The following PRKG1 variants were observed in gnomAD, a reference collection of about 807,000 sequenced individuals.
The protein encoded by PRKG1 is cGMP-dependent protein kinase 1.
PRKG1 carries 35 observed loss-of-function variants against 88.1 expected under a neutral mutation model. That is an observed-to-expected ratio of 0.40 (90% confidence interval 0.30 to 0.53). The LOEUF (loss-of-function observed/expected upper bound fraction) is 0.53, where lower values mean the gene tolerates loss of function less well. Ranked by LOEUF, PRKG1 falls within the 20% of genes least tolerant of loss-of-function variation. The pLI, the probability that PRKG1 is intolerant of heterozygous loss-of-function variation, is 0.59. For synonymous variants in PRKG1, 303 were observed against 292.5 expected, an observed-to-expected ratio of 1.04 and a Z score of -0.37; for missense variants, 540 against 839.8, an observed-to-expected ratio of 0.64 and a Z score of 4.41.
At chr10:51,086,588 C>A (rs569405051) in intron 1 of PRKG1, among the ~76,000 whole-genome samples, 2 of 152,248 alleles carry the variant, frequency 1.3e-5, no homozygotes, top group Non-Finnish European at 2.9e-5. Flanking sequence ...CATTATATAA[C>A]CACGATAGTT....
chr10:51,726,741 A>G (rs1203100942), intron 3 of PRKG1, among the ~76,000 whole-genome samples: 1 of 152,194 alleles, frequency 6.6e-6, no homozygotes, highest in Non-Finnish European at 1.5e-5. Flanking sequence ...ATTAATGCCT[A>G]TTGAATGAAT....
intron 3 of PRKG1, among the ~76,000 whole-genome samples, chr10:51,674,893 C>T (rs564848622): frequency 6.6e-5 from 10 of 151,876 alleles, no homozygotes; most frequent in Admixed American, 2.0e-4. Context: ...TATTAATATG[C>T]GAGTTAAAAA....
intron 4 of PRKG1, among the ~76,000 whole-genome samples, chr10:51,884,397 A>T: frequency 8.1e-6 from 1 of 124,200 alleles, no homozygotes. Context: ...GTGAGTCGAG[A>T]TCGCGCCACT....
At chr10:51,886,510 C>A (rs1418851215) in intron 4 of PRKG1, among the ~76,000 whole-genome samples, 1 of 152,036 alleles carries the variant, frequency 6.6e-6, no homozygotes, top group Non-Finnish European at 1.5e-5. Flanking sequence ...TTTCGACCTG[C>A]TAATGTTGGA....
At chr10:51,470,726 A>C (rs752663431) in intron 3 of PRKG1, among the ~76,000 whole-genome samples, 17 of 151,868 alleles carry the variant, frequency 1.1e-4, no homozygotes, top group Non-Finnish European at 2.2e-4. Context: ...ATTTTTTCTA[A>C]GATTAGGTTA....
chr10:51,556,614 G>A (rs1837318662), intron 3 of PRKG1, among the ~76,000 whole-genome samples: 1 of 151,942 alleles, frequency 6.6e-6, no homozygotes, highest in African/African-American at 2.4e-5. Context: ...GCACATTAAT[G>A]CAAGAACAGA....
intron 7 of PRKG1, among the ~76,000 whole-genome samples, chr10:52,117,986 G>A (rs1040816944): frequency 3.3e-5 from 5 of 151,608 alleles, no homozygotes; most frequent in Non-Finnish European, 7.4e-5. Context: ...TACATTGATA[G>A]GTATTTAGGT....
intron 2 of PRKG1, among the ~76,000 whole-genome samples, chr10:51,160,717 C>T (rs1316713579): frequency 6.6e-6 from 1 of 152,162 alleles, no homozygotes; most frequent in African/African-American, 2.4e-5. Flanking sequence ...CATGAAAAGT[C>T]TGTTATTGTC....
chr10:51,167,607 C>G (rs975852134), intron 2 of PRKG1, among the ~76,000 whole-genome samples: 1 of 152,044 alleles, frequency 6.6e-6, no homozygotes, highest in African/African-American at 2.4e-5. Context: ...GAAGCCATAG[C>G]AGTAATCGAA....
At chr10:51,857,290 T>C (rs1236302909) in intron 4 of PRKG1, among the ~76,000 whole-genome samples, 2 of 152,242 alleles carry the variant, frequency 1.3e-5, no homozygotes, top group African/African-American at 2.4e-5. Context: ...ACTAACATTG[T>C]ATAATAATAG....
At chr10:51,022,162 A>T (rs1198440519) in intron 1 of PRKG1, among the ~76,000 whole-genome samples, 7 of 152,158 alleles carry the variant, frequency 4.6e-5, no homozygotes, top group Non-Finnish European at 7.3e-5. Context: ...TAGGATCATG[A>T]CCCATCACCA....
At chr10:51,511,606 T>G (rs1841409621) in intron 3 of PRKG1, among the ~76,000 whole-genome samples, 1 of 152,212 alleles carries the variant, frequency 6.6e-6, no homozygotes. Context: ...TTATTAGTCA[T>G]AGTGGAAATG....
chr10:51,081,883 A>C (rs1165691423), intron 1 of PRKG1, among the ~76,000 whole-genome samples: 1 of 152,160 alleles, frequency 6.6e-6, no homozygotes, highest in Non-Finnish European at 1.5e-5. Flanking sequence ...CAGCCTCCAG[A>C]GTAGCCAAGA....
chr10:51,585,041 ATG>A (rs1185476041), intron 3 of PRKG1, among the ~76,000 whole-genome samples: 3 of 152,268 alleles, frequency 2.0e-5, no homozygotes, highest in African/African-American at 7.2e-5. Flanking sequence ...GCATGATAAA[ATG>A]GAGTAATCAA....
At chr10:51,972,044 C>T (rs1843725153) in intron 5 of PRKG1, among the ~76,000 whole-genome samples, 1 of 152,056 alleles carries the variant, frequency 6.6e-6, no homozygotes, top group African/African-American at 2.4e-5. Flanking sequence ...CTGTCTTATT[C>T]TCCATAAATG....
intron 3 of PRKG1, among the ~76,000 whole-genome samples, chr10:51,715,120 A>G (rs1428499114): frequency 1.3e-5 from 2 of 152,218 alleles, no homozygotes; most frequent in African/African-American, 4.8e-5. Flanking sequence ...GTGTGTAAGA[A>G]GACTGGAAGA....
intron 2 of PRKG1, among the ~76,000 whole-genome samples, chr10:51,161,269 T>C (rs1438323224): frequency 6.6e-6 from 1 of 152,248 alleles, no homozygotes; most frequent in East Asian, 1.9e-4. Flanking sequence ...AATGTGTGTA[T>C]ATGTACCATT....
intron 3 of PRKG1, among the ~76,000 whole-genome samples, chr10:51,559,684 C>T (rs1320160172): frequency 6.6e-6 from 1 of 151,992 alleles, no homozygotes; most frequent in Non-Finnish European, 1.5e-5. Context: ...ATTATATTGT[C>T]CTTTGTGATC....
upstream of PRKG1, among the ~76,000 whole-genome samples, chr10:51,073,027 C>A (rs1473180271): frequency 6.6e-6 from 1 of 151,964 alleles, no homozygotes; most frequent in Non-Finnish European, 1.5e-5. Context: ...ATTGAGTGCC[C>A]AAGAATAGTA....
Sources: gnomAD v4.1 joint callset for allele counts (sites outside exome capture counted in the v4.1 genomes callset) on GRCh38, gnomAD v4.1.1 for gene constraint, MANE v1.5 for transcripts, NCBI Gene and HGNC (gene_info 2026-07-23, HGNC 2026-07-21) for gene names.